SMURF2: variants seen among roughly 807,000 people sequenced by gnomAD.
SMURF2 encodes the protein E3 ubiquitin-protein ligase SMURF2.
In SMURF2, 48 loss-of-function variants were observed where a neutral mutation model predicts 109.6. That is an observed-to-expected ratio of 0.44 (90% confidence interval 0.35 to 0.56). SMURF2 has a LOEUF of 0.56. Ranked by LOEUF, SMURF2 falls within the 20% of genes least tolerant of loss-of-function variation. The pLI is 0.01. For synonymous variants in SMURF2, 288 were observed against 317.1 expected (o/e 0.91, Z 0.97); for missense variants, 575 against 909.0 (o/e 0.63, Z 4.72).
At chr17:64,615,481 C>T (rs553389704) in intron 1 of SMURF2, among the ~76,000 whole-genome samples, 1 of 152,336 alleles carries the variant, frequency 6.6e-6, no homozygotes, top group South Asian at 2.1e-4. Flanking sequence ...GAAGTATCAA[C>T]TGATGTACAC....
chr17:64,632,232 T>TA (rs1297197017), intron 1 of SMURF2, among the ~76,000 whole-genome samples: 2 of 152,096 alleles, frequency 1.3e-5, no homozygotes, highest in Non-Finnish European at 2.9e-5. Context: ...GTGCTGGGAT[T>TA]ACAGGCATAA....
At chr17:64,645,606 A>G (rs1970548443) in intron 1 of SMURF2, among the ~76,000 whole-genome samples, 1 of 152,216 alleles carries the variant, frequency 6.6e-6, no homozygotes, top group South Asian at 2.1e-4. Flanking sequence ...GAGGAAGACA[A>G]GGAAGAGAAT....
intron 1 of SMURF2, among the ~76,000 whole-genome samples, chr17:64,634,248 G>A (rs548013390): frequency 6.6e-6 from 1 of 152,274 alleles, no homozygotes; most frequent in Admixed American, 6.5e-5. Flanking sequence ...TAAAGATGTG[G>A]CAAATCCCCT....
At chr17:64,659,516 CTTTT>C (rs60004963) in intron 1 of SMURF2, among the ~76,000 whole-genome samples, 47 of 135,606 alleles carry the variant, frequency 3.5e-4, no homozygotes, top group Admixed American at 5.2e-4. Context: ...AAAGAATCAA[CTTTT>C]TTTTTTTTTT....
At position 64,546,296 on chromosome 17, in the gene SMURF2, G is replaced by T. The variant is rs782639687; in HGVS notation, c.2114C>A (p.Ala705Asp). Reference sequence around the variant, plus strand: ...GGCTTTCGGCAGGTTGTTAGTGCAGGCATCAATCTGGTGTATGGTAAAGAG... The same window carrying T: ...GGCTTTCGGCAGGTTGTTAGTGCAGTCATCAATCTGGTGTATGGTAAAGAG... Reference protein sequence around the residue: ...PRLFTIHQIDACTNNLPKAHT... With the variant: ...PRLFTIHQIDDCTNNLPKAHT... Residue 705 changes from alanine to aspartate, a missense_variant, in exon 18 of 19, where the codon GCC becomes GAC. Ala to Asp is a moderately radical substitution (Grantham distance 126). This residue lies in a region of SMURF2 where 361 missense variants were observed against 612.1 expected (regional missense o/e 0.59). Coordinates refer to ENST00000262435, the MANE Select transcript of SMURF2 (RefSeq NM_022739.4). The T allele has an allele frequency of 9.3e-6, 15 of 1,614,042 alleles. No individual in the cohort carries two copies. The highest frequency in any genetic ancestry group is 1.3e-5 in the Non-Finnish European group (15 of 1,179,930).
At chr17:64,548,393 A>AT (rs879980142) in intron 16 of SMURF2, among the ~76,000 whole-genome samples, 118 of 147,644 alleles carry the variant, frequency 8.0e-4, no homozygotes, top group African/African-American at 2.1e-3. Flanking sequence ...TTGCTTAATA[A>AT]TTTTTTTTTT....
chr17:64,646,070 ATTTT>A (rs1276463311), intron 1 of SMURF2, among the ~76,000 whole-genome samples: 1 of 145,332 alleles, frequency 6.9e-6, no homozygotes. Context: ...ATTTCTTATA[ATTTT>A]TTTTTTTTTT....
intron 5 of SMURF2, among the ~76,000 whole-genome samples, chr17:64,587,690 CTTGATA>C (rs782553083): frequency 6.6e-6 from 1 of 152,122 alleles, no homozygotes; most frequent in Non-Finnish European, 1.5e-5. Flanking sequence ...CACAGAGCTC[CTTGATA>C]TTAAGTCCCA....
At chr17:64,657,222 G>C (rs188606949) in intron 1 of SMURF2, among the ~76,000 whole-genome samples, 2 of 152,222 alleles carry the variant, frequency 1.3e-5, no homozygotes, top group Admixed American at 1.3e-4. Context: ...CTCAGGTCAG[G>C]GAAAGTTCTA....
chr17:64,586,775 A>AT (rs10699585), intron 5 of SMURF2, among the ~76,000 whole-genome samples: 1 of 149,752 alleles, frequency 6.7e-6, no homozygotes, highest in East Asian at 2.0e-4. Flanking sequence ...AAAAAAAAAA[A>AT]GGAAGAGGCA....
chr17:64,635,898 AC>A (rs1214099975), intron 1 of SMURF2, among the ~76,000 whole-genome samples: 1 of 152,182 alleles, frequency 6.6e-6, no homozygotes, highest in South Asian at 2.1e-4. Flanking sequence ...ACTGCCACAA[AC>A]TGTTTAGCAG....
chr17:64,545,703 GTGTCCTAAAAT>G lies in SMURF2; in HGVS notation c.*134_*144del. The G allele has an allele frequency of 2.4e-6, 1 of 420,948 alleles. No homozygotes were observed. The highest frequency in any genetic ancestry group is 4.1e-6 in the Non-Finnish European group (1 of 246,912). The allele number at this position is 420,948 out of a possible 1,614,324, so 26.1% of individuals were successfully genotyped here. Reference sequence around the variant, plus strand: ...TTCAAAATTGTCCTTTCCCCTCACAGTGTCCTAAAATGTAAAAAAAAAAAAAAAAAGGGGGG... The same window carrying G: ...TTCAAAATTGTCCTTTCCCCTCACAGGTAAAAAAAAAAAAAAAAAGGGGGG... On this transcript the variant is annotated 3_prime_UTR_variant, in exon 19 of 19. Transcript: ENST00000262435.
intron 3 of SMURF2, among the ~76,000 whole-genome samples, chr17:64,596,307 G>A (rs1233249900): frequency 2.6e-5 from 4 of 151,802 alleles, no homozygotes; most frequent in African/African-American, 9.7e-5. Flanking sequence ...TTATCTTAAC[G>A]TGGATGCTAG....
chr17:64,616,746 A>C (rs1555690149), intron 1 of SMURF2, among the ~76,000 whole-genome samples: 1 of 151,106 alleles, frequency 6.6e-6, no homozygotes, highest in Non-Finnish European at 1.5e-5. Flanking sequence ...AGTGAAACAT[A>C]CTCTCTCAGG....
At chr17:64,661,264 C>G (rs1970771110) in intron 1 of SMURF2, among the ~76,000 whole-genome samples, 1 of 152,100 alleles carries the variant, frequency 6.6e-6, no homozygotes, top group African/African-American at 2.4e-5. Flanking sequence ...CTCCTCACCT[C>G]AGAGACATGA....
At chr17:64,574,728 T>C (rs1555685883) in intron 9 of SMURF2, among the ~76,000 whole-genome samples, 1 of 152,184 alleles carries the variant, frequency 6.6e-6, no homozygotes, top group African/African-American at 2.4e-5. Flanking sequence ...TACATGTCAA[T>C]ACTCAACATG....
At chr17:64,565,155 T>C (rs1244127045) in intron 10 of SMURF2, among the ~76,000 whole-genome samples, 4 of 152,096 alleles carry the variant, frequency 2.6e-5, no homozygotes, top group Non-Finnish European at 5.9e-5. Context: ...AATGGAAAGG[T>C]GGCTTAGAGC....
At chr17:64,657,575 T>C (rs112902067) in intron 1 of SMURF2, among the ~76,000 whole-genome samples, 290 of 151,290 alleles carry the variant, frequency 1.9e-3, no homozygotes, top group African/African-American at 6.4e-3. Context: ...CACAGTGGCA[T>C]GGACCTGTAG....
chr17:64,574,409 A>T (rs868938921), intron 9 of SMURF2, among the ~76,000 whole-genome samples: 3 of 152,222 alleles, frequency 2.0e-5, no homozygotes, highest in African/African-American at 7.2e-5. Flanking sequence ...GGCATTAACC[A>T]TTGTTTTAAA....
Sources: allele counts gnomAD v4.1 joint callset (sites outside exome capture counted in the v4.1 genomes callset), GRCh38; gene constraint gnomAD v4.1.1; regional missense constraint gnomAD v4.1.1; transcripts MANE v1.5; gene names NCBI Gene and HGNC (gene_info 2026-07-23, HGNC 2026-07-21).